Variants in ERCC3 observed in about 807,000 individuals in gnomAD.
The protein encoded by ERCC3 is general transcription and DNA repair factor IIH helicase/translocase subunit XPB.
A neutral mutation model predicts 94.2 loss-of-function variants in ERCC3; 66 were observed. That is an observed-to-expected ratio of 0.70 (90% CI 0.57 to 0.86). The LOEUF is 0.86. Among genes scored for constraint, ERCC3 ranks in the 40% least tolerant of loss-of-function variants. ERCC3 has a pLI of 0.00. For missense variants in ERCC3, 829 were observed against 987.1 expected (o/e 0.84, Z 2.15); for synonymous variants, 349 against 369.1 (o/e 0.95, Z 0.63).
chr2:127,292,152 G>A (rs188032212), intron 3 of ERCC3: 14 of 284,304 alleles, frequency 4.9e-5, no homozygotes, highest in Admixed American at 1.3e-4. Context: ...TAATCATAGC[G>A]GATCACGACC....
In ERCC3 at chr2:127,292,775, AG is replaced by A. The variant is rs1369496034; in HGVS notation, c.305del (p.Ala102ValfsTer17). ...TTGGTCGGCACACTGGCTCTGCAAT[AG>A]CCACCAAGAAGTCTTGGGCATATTT... ...VYKYAQDFLV[A>X]IAEPVCRPTH... On this transcript the variant is annotated frameshift_variant, in exon 3 of 15. Coordinates refer to ENST00000285398, the MANE Select transcript of ERCC3 (RefSeq NM_000122.2). LOFTEE classifies it high-confidence loss of function. 1 of 1,613,830 alleles carries A rather than the reference AG, an allele frequency of 6.2e-7. No homozygotes were observed. The highest frequency in any genetic ancestry group is 8.5e-7 in the Non-Finnish European group (1 of 1,180,018).
At chr2:127,287,118 T>C in intron 7 of ERCC3, 101 bp from the exon 8 acceptor site, 1 of 894,840 alleles carries the variant, frequency 1.1e-6, no homozygotes, top group South Asian at 1.5e-5. Context: ...GAAAATGTCT[T>C]GTAACAGTCC....
chr2:127,288,922 C>G (rs1685171926), intron 6 of ERCC3, 58 bp from the exon 7 acceptor site: 1 of 1,347,204 alleles, frequency 7.4e-7, no homozygotes, highest in African/African-American at 1.4e-5. Context: ...AAAAACATTA[C>G]ATCTTCTAAG....
At chr2:127,272,659 T>C (rs1684596063) in intron 11 of ERCC3, among the ~76,000 whole-genome samples, 1 of 152,216 alleles carries the variant, frequency 6.6e-6, no homozygotes, top group Non-Finnish European at 1.5e-5. Context: ...ATAGCCTTTA[T>C]AGATTATCCA....
intron 10 of ERCC3, 151 bp from the exon 11 acceptor site, chr2:127,273,112 C>T (rs1023522456): frequency 2.4e-5 from 15 of 620,318 alleles, no homozygotes; most frequent in Non-Finnish European, 4.1e-5. Context: ...AAATGACTGG[C>T]TACAGATGCA....
Position 127,280,080 on chromosome 2 carries a change from G to A in ERCC3, c.1527+367C>T, listed in dbSNP as rs1205464837. 1.3e-5 allele frequency among the ~76,000 whole-genome samples: 2 copies of A among 152,136 alleles called. No homozygotes were observed. Among genetic ancestry groups the A allele is most frequent in the Non-Finnish European group, 2.9e-5 (2 of 68,020 alleles). On this transcript the variant is annotated intron_variant, in intron 9 of 14. Transcript: ENST00000285398. The surrounding 1 kb of genome is among the most constrained non-coding windows in gnomAD (Gnocchi z 6.3). ...CTGGGAGCATATCAGTTAGGCGCTT[G>A]GGGCTATCAGAGCAAAGCCCTTTGC...
At position 127,289,689 on chromosome 2, in the gene ERCC3, G is replaced by A. The variant is rs771683698; in HGVS notation, c.657C>T (p.Ala219=). ...AAGGGTGGCCCAGGAGTCCACATAC[G>A]GCAGATTTGCTTGTGAAAGTCTCTG... is the stretch of plus-strand genomic sequence containing the variant. ...LITETFTSKS[A]ISKTAESSGG... The change falls in exon 5 of 15, where the codon GCC becomes GCT. Residue 219 remains alanine (A), a splice_region_variant and synonymous_variant. Transcript: ENST00000285398. 2.0e-5 allele frequency: 32 copies of A among 1,613,920 alleles called. 1 individual carries two copies. In the Middle Eastern group the frequency reaches 1.5e-3, roughly 75 times the overall value.
rs1685277157 is a variant in ERCC3 at position 127,291,759 on chromosome 2, T to C, written c.471+851A>G. 6.6e-6 allele frequency among the ~76,000 whole-genome samples: 1 copy of C among 152,212 alleles called. No homozygotes were observed. The highest frequency in any genetic ancestry group is 2.4e-5 in the African/African-American group (1 of 41,462). ...ATCTCTTTTAAATGGCATTCACCCA[T>C]CTCGCAGAAGAAACCTAGCATGTTC... On this transcript the variant is annotated intron_variant, in intron 3 of 14. Coordinates refer to ENST00000285398, the MANE Select transcript of ERCC3 (RefSeq NM_000122.2). The surrounding 1 kb of genome is among the most constrained non-coding windows in gnomAD (Gnocchi z 4.9).
rs368660980 is a variant in ERCC3 at position 127,279,384 on chromosome 2, C to T, written c.1528-9G>A. The T allele has an allele frequency of 7.8e-5, 125 of 1,593,462 alleles. No homozygotes were observed. The African/African-American group carries it at 1.4e-3, about 18-fold the overall frequency. On this transcript the variant is annotated splice_polypyrimidine_tract_variant and intron_variant, in intron 9 of 14. Coordinates refer to ENST00000285398, the MANE Select transcript of ERCC3 (RefSeq NM_000122.2). The surrounding 1 kb of genome is among the most constrained non-coding windows in gnomAD (Gnocchi z 4.7). ...GACATAGGGCACCAGACCTGTAATACAGTAAGAACCAGGGGTCATTTTACA... is the reference window on the plus strand; with the variant it reads ...GACATAGGGCACCAGACCTGTAATATAGTAAGAACCAGGGGTCATTTTACA...
In ERCC3 at chr2:127,293,642, C is replaced by T. The variant is rs1373227745; in HGVS notation, c.105G>A (p.Gln35=). The T allele has an allele frequency of 2.5e-6, 4 of 1,614,094 alleles. No homozygotes were observed. In the African/African-American group the frequency reaches 5.3e-5, roughly 22 times the overall value. Residue 35 remains glutamine, a synonymous_variant, in exon 2 of 15, where the codon CAG becomes CAA. Transcript: ENST00000285398. ...DEEDAPGNDP[Q]EAVPSAAGKQ... The stretch of plus-strand genomic sequence containing the variant: ...TCCCCGCCGCCGAGGGAACCGCTTC[C>T]TGAGGGTCGTTCCCCGGGGCGTCCT...
At chr2:127,273,096 C>A in intron 10 of ERCC3, 135 bp from the exon 11 acceptor site, 1 of 636,834 alleles carries the variant, frequency 1.6e-6, no homozygotes. Context: ...ATCGTTACAC[C>A]CAAAAAAATG....
At position 127,286,919 on chromosome 2, in the gene ERCC3, C is replaced by T. The variant is rs1384044411; in HGVS notation, c.1126G>A (p.Ala376Thr). 9 of 1,614,054 alleles carry T rather than the reference C, an allele frequency of 5.6e-6. No homozygotes were observed. The African/African-American group carries it at 1.2e-4, about 22-fold the overall frequency. Reference protein sequence around the residue: ...NSAVSVEQWKAQFKMWSTIDD... With the variant: ...NSAVSVEQWKTQFKMWSTIDD... Reference sequence around the variant, plus strand: ...ATGGTGGACCACATCTTGAACTGGGCTTTCCACTGCTCCACAGAAACAGCT... The same window carrying T: ...ATGGTGGACCACATCTTGAACTGGGTTTTCCACTGCTCCACAGAAACAGCT... The change falls in exon 8 of 15, where the codon GCC becomes ACC. Residue 376 changes from alanine to threonine, a missense_variant. Coordinates refer to ENST00000285398, the MANE Select transcript of ERCC3 (RefSeq NM_000122.2).
chr2:127,282,763 C>T (rs1010175957), intron 8 of ERCC3, among the ~76,000 whole-genome samples: 1 of 152,198 alleles, frequency 6.6e-6, no homozygotes, highest in Non-Finnish European at 1.5e-5. Flanking sequence ...CTCCGCAACT[C>T]AACCAAAGAC....
rs766241655 is a variant in ERCC3 at position 127,293,651 on chromosome 2, G to A, written c.96C>T (p.Asn32=). 3 of 1,614,134 alleles carry A rather than the reference G, an allele frequency of 1.9e-6. No individual in the cohort carries two copies. The highest frequency in any genetic ancestry group is 2.5e-6 in the Non-Finnish European group (3 of 1,180,034). The change falls in exon 2 of 15, where the codon AAC becomes AAT. Residue 32 remains asparagine (N), a synonymous_variant. Coordinates refer to ENST00000285398, the MANE Select transcript of ERCC3 (RefSeq NM_000122.2). ...EEDDEEDAPG[N]DPQEAVPSAA... is the part of the protein sequence containing the mutation. ...CCGAGGGAACCGCTTCCTGAGGGTC[G>A]TTCCCCGGGGCGTCCTCTTCATCAT...
At chr2:127,266,706 A>ATTTTTT (rs1558949839) in intron 12 of ERCC3, among the ~76,000 whole-genome samples, 1 of 130,732 alleles carries the variant, frequency 7.6e-6, no homozygotes, top group African/African-American at 3.1e-5. Flanking sequence ...CACATGATCA[A>ATTTTTT]TTATTTTTTT....
Position 127,271,447 on chromosome 2 carries a change from C to T in ERCC3, c.1834G>A (p.Asp612Asn). The T allele has an allele frequency of 6.2e-7, 1 of 1,610,810 alleles. No individual in the cohort carries two copies. The highest frequency in any genetic ancestry group is 8.5e-7 in the Non-Finnish European group (1 of 1,177,146). Residue 612 changes from aspartate (D) to asparagine (N), a missense_variant, in exon 12 of 15, where the codon GAC becomes AAC. Transcript: ENST00000285398. This position sits in a 1 kb window ranked among gnomAD's most constrained non-coding sequence, Gnocchi z 5.0. ...INTIFISKVG[D>N]TSFDLPEANV... The stretch of plus-strand genomic sequence containing the variant: ...GCTTCCGGCAGATCAAACGAAGTGT[C>T]ACCTACCTACAGAAACAAGTTGGAA...
chr2:127,290,494 T>C, intron 3 of ERCC3: 5 of 611,626 alleles, frequency 8.2e-6, no homozygotes, highest in Non-Finnish European at 1.5e-5. Flanking sequence ...GTAATTCTGA[T>C]GCATATCCAT....
chr2:127,259,497 A>G lies in ERCC3; in HGVS notation c.2065-49T>C. On this transcript the variant is annotated intron_variant, in intron 13 of 14. Coordinates refer to ENST00000285398, the MANE Select transcript of ERCC3 (RefSeq NM_000122.2). This position sits in a 1 kb window ranked among gnomAD's most constrained non-coding sequence, Gnocchi z 4.9. ...ATGCCCCTTTCTGCTCTCTCTCCCC[A>G]GCCCTCCTCTGCCTTCTCCTGGGTC... The G allele has an allele frequency of 1.2e-6, 2 of 1,611,744 alleles. No homozygotes were observed. The highest frequency in any genetic ancestry group is 1.7e-4 in the Middle Eastern group (1 of 6,058).
Position 127,267,194 on chromosome 2 carries a change from T to C in ERCC3, c.1945+4142A>G, listed in dbSNP as rs570808210. ...AATCTGTCTCATGCTGTCAGTGGGG[T>C]GTCAAAATCTCCTACCATTGTTGTG... On this transcript the variant is annotated intron_variant, in intron 12 of 14. Coordinates refer to ENST00000285398, the MANE Select transcript of ERCC3 (RefSeq NM_000122.2). Among the ~76,000 whole-genome samples, 202 of 152,290 alleles carry C rather than the reference T, an allele frequency of 1.3e-3. 2 individuals carry two copies. The highest frequency in any genetic ancestry group is 4.1e-3 in the African/African-American group (171 of 41,570).
Sources: gnomAD v4.1 joint callset for allele counts (sites outside exome capture counted in the v4.1 genomes callset) on GRCh38, gnomAD v4.1.1 for gene constraint, Gnocchi (gnomAD v3.1) non-coding constraint, MANE v1.5 for transcripts, NCBI Gene and HGNC (gene_info 2026-07-23, HGNC 2026-07-21) for gene names.